Variants in COL23A1 observed in about 807,000 individuals in gnomAD.
COL23A1 encodes collagen type XXIII alpha 1 chain, also known as collagen alpha-1(XXIII) chain.
In COL23A1, 97 loss-of-function variants were observed where a neutral mutation model predicts 99.3. The observed-to-expected ratio is 0.98, with a 90% CI of 0.83 to 1.16. The LOEUF is 1.16. Among genes scored for constraint, COL23A1 ranks in the 50% most tolerant of loss-of-function variants. The probability of loss-of-function intolerance (pLI) is 0.00; values close to 1 mark genes in which losing one functional copy is unlikely to be tolerated. For missense variants in COL23A1, 762 were observed against 757.4 expected (o/e 1.01, Z -0.07); for synonymous variants, 320 against 308.2 (o/e 1.04, Z -0.40).
At chr5:178,421,729 C>T (rs1029900383) in intron 2 of COL23A1, among the ~76,000 whole-genome samples, 4 of 152,212 alleles carry the variant, frequency 2.6e-5, no homozygotes, top group Non-Finnish European at 5.9e-5. Flanking sequence ...ATTACCTGGG[C>T]GTTGTGGCAG....
chr5:178,243,462 G>A (rs1450198310), intron 25 of COL23A1, among the ~76,000 whole-genome samples: 1 of 99,766 alleles, frequency 1.0e-5, no homozygotes, highest in African/African-American at 3.2e-5. Flanking sequence ...ACTCCAGCCT[G>A]GGTGGACAGA....
At chr5:178,357,718 ATGTGTGTGTGTG>A (rs144352054) in intron 2 of COL23A1, among the ~76,000 whole-genome samples, 7 of 145,854 alleles carry the variant, frequency 4.8e-5, no homozygotes, top group African/African-American at 1.7e-4. Flanking sequence ...AAATGTGTGT[ATGTGTGTGTGTG>A]TGTGTGTATG....
chr5:178,311,507 C>CGTGTGT (rs1307866835), intron 2 of COL23A1, among the ~76,000 whole-genome samples: 12 of 26,062 alleles, frequency 4.6e-4, no homozygotes, highest in African/African-American at 7.6e-4. Context: ...TGTGTGTGTG[C>CGTGTGT]GCGTGTGTGT....
At chr5:178,425,869 G>A (rs1472158019) in intron 2 of COL23A1, among the ~76,000 whole-genome samples, 1 of 152,240 alleles carries the variant, frequency 6.6e-6, no homozygotes, top group Non-Finnish European at 1.5e-5. Context: ...CGTGGCAGAG[G>A]CATCTTCTGC....
intron 1 of COL23A1, among the ~76,000 whole-genome samples, chr5:178,564,716 T>C (rs1762759932): frequency 6.6e-6 from 1 of 152,166 alleles, no homozygotes; most frequent in African/African-American, 2.4e-5. Context: ...TAGAAAAGCA[T>C]TCATGACATG....
intron 2 of COL23A1, among the ~76,000 whole-genome samples, chr5:178,320,564 T>C (rs1759238963): frequency 6.6e-6 from 1 of 152,218 alleles, no homozygotes; most frequent in South Asian, 2.1e-4. Flanking sequence ...ACCACAGCTT[T>C]GGAGGAGCCC....
intron 2 of COL23A1, among the ~76,000 whole-genome samples, chr5:178,341,551 G>A (rs1388761732): frequency 6.6e-6 from 1 of 152,222 alleles, no homozygotes; most frequent in Non-Finnish European, 1.5e-5. Flanking sequence ...CAAGGGTGGG[G>A]AGGCAGATGT....
intron 2 of COL23A1, among the ~76,000 whole-genome samples, chr5:178,550,602 T>C (rs1286702090): frequency 6.6e-6 from 1 of 152,222 alleles, no homozygotes; most frequent in South Asian, 2.1e-4. Context: ...CCAGCCATGG[T>C]TGTATTTTTT....
chr5:178,572,595 G>A (rs1183434574), intron 1 of COL23A1, among the ~76,000 whole-genome samples: 3 of 152,222 alleles, frequency 2.0e-5, no homozygotes, highest in African/African-American at 7.2e-5. Flanking sequence ...AATCTGAAAT[G>A]ATGCGATGGC....
At chr5:178,392,825 C>A (rs1031656955) in intron 2 of COL23A1, among the ~76,000 whole-genome samples, 1 of 152,200 alleles carries the variant, frequency 6.6e-6, no homozygotes, top group Non-Finnish European at 1.5e-5. Flanking sequence ...TCAGGAAGAA[C>A]AAGACCCAAC....
Position 178,554,750 on chromosome 5 carries a change from C to T in COL23A1, c.361+5932G>A, listed in dbSNP as rs375560919. Among the ~76,000 whole-genome samples, 18 of 152,268 alleles carry T rather than the reference C, an allele frequency of 1.2e-4. No homozygotes were observed. In the East Asian group the frequency reaches 3.1e-3, roughly 26 times the overall value. ...ATCCACCAATGACCTGGCCCATCAACGTGTCCCATGCTCCAAGTCAGTGCA... is the reference window on the plus strand; with the variant it reads ...ATCCACCAATGACCTGGCCCATCAATGTGTCCCATGCTCCAAGTCAGTGCA... On this transcript the variant is annotated intron_variant, in intron 2 of 28. Transcript: ENST00000390654.
At chr5:178,489,023 G>A (rs1422945659) in intron 2 of COL23A1, among the ~76,000 whole-genome samples, 1 of 152,050 alleles carries the variant, frequency 6.6e-6, no homozygotes, top group Non-Finnish European at 1.5e-5. Flanking sequence ...CTCAGGATCT[G>A]CCCCTCATCC....
chr5:178,424,676 C>T (rs767185309), intron 2 of COL23A1, among the ~76,000 whole-genome samples: 13 of 152,214 alleles, frequency 8.5e-5, no homozygotes, highest in Admixed American at 3.9e-4. Flanking sequence ...AAGTAAAAAT[C>T]CCCCAATTAA....
At position 178,274,935 on chromosome 5, in the gene COL23A1, TC is replaced by T. The variant is rs549199850; in HGVS notation, c.442-4573del. Among the ~76,000 whole-genome samples the T allele has an allele frequency of 2.4e-3, 362 of 152,264 alleles. 2 individuals carry two copies. Among genetic ancestry groups the T allele is most frequent in the African/African-American group, 8.4e-3 (351 of 41,556 alleles). On this transcript the variant is annotated intron_variant, in intron 5 of 28. Coordinates refer to ENST00000390654, the MANE Select transcript of COL23A1 (RefSeq NM_173465.4). Reference sequence around the variant, plus strand: ...CCCACAGCTGTTTACAAGCCTTGGTTCTGCTTTAAATCACTCTTTCCCCATG... The same window carrying T: ...CCCACAGCTGTTTACAAGCCTTGGTTTGCTTTAAATCACTCTTTCCCCATG...
chr5:178,287,585 G>A (rs188453869), intron 5 of COL23A1, among the ~76,000 whole-genome samples: 6 of 152,122 alleles, frequency 3.9e-5, no homozygotes, highest in East Asian at 1.9e-4. Context: ...ATCACCAGCC[G>A]TCCTGACTGC....
rs117060721 is a variant in COL23A1 at position 178,559,412 on chromosome 5, T to A, written c.361+1270A>T. On this transcript the variant is annotated intron_variant, in intron 2 of 28. Transcript: ENST00000390654. ...AACAAAAGTCACCTTTCCCTGCATG[T>A]CGAGAAGTCTGAGACACATCACTCA... Among the ~76,000 whole-genome samples, 188 of 151,274 alleles carry A rather than the reference T, an allele frequency of 1.2e-3. 6 individuals are homozygous for A. The highest frequency in any genetic ancestry group is 0.01 in the Admixed American group (154 of 15,216).
At chr5:178,413,040 G>A (rs904492353) in intron 2 of COL23A1, among the ~76,000 whole-genome samples, 78 of 151,044 alleles carry the variant, frequency 5.2e-4, no homozygotes, top group Non-Finnish European at 9.9e-4. Context: ...AAAAATAGCT[G>A]GGCATACTGG....
chr5:178,358,156 GTGTA>G (rs1314709304), intron 2 of COL23A1, among the ~76,000 whole-genome samples: 2 of 150,390 alleles, frequency 1.3e-5, no homozygotes, highest in Non-Finnish European at 3.0e-5. Context: ...ATGTGTATGT[GTGTA>G]TGTCTAATGT....
chr5:178,576,541 T>C (rs1046553854), intron 1 of COL23A1, among the ~76,000 whole-genome samples: 1 of 152,138 alleles, frequency 6.6e-6, no homozygotes, highest in African/African-American at 2.4e-5. Flanking sequence ...CCGTCCTCAT[T>C]ATTTTTCAAA....
Sources: allele counts gnomAD v4.1 joint callset (sites outside exome capture counted in the v4.1 genomes callset), GRCh38; gene constraint gnomAD v4.1.1; transcripts MANE v1.5; gene names NCBI Gene and HGNC (gene_info 2026-07-23, HGNC 2026-07-21).